DOCK4: variants seen among roughly 807,000 people sequenced by gnomAD.
DOCK4 encodes the protein dedicator of cytokinesis 4, also known as dedicator of cytokinesis protein 4.
DOCK4 carries 97 observed loss-of-function variants against 268.1 expected under a neutral mutation model. The ratio of observed to expected loss-of-function variants is 0.36; its 90% CI spans 0.31 to 0.43. The LOEUF (loss-of-function observed/expected upper bound fraction) is 0.43, where lower values mean the gene tolerates loss of function less well. Ranked by LOEUF, DOCK4 falls within the 20% of genes least tolerant of loss-of-function variation. The probability of loss-of-function intolerance (pLI) is 1.00; values close to 1 mark genes in which losing one functional copy is unlikely to be tolerated. For synonymous variants in DOCK4, 954 were observed against 887.2 expected (o/e 1.08, Z -1.34); for missense variants, 2,145 against 2,455.7 (o/e 0.87, Z 2.67).
intron 1 of DOCK4, among the ~76,000 whole-genome samples, chr7:112,065,489 T>G (rs963021835): frequency 1.3e-5 from 2 of 151,200 alleles, no homozygotes; most frequent in Non-Finnish European, 2.9e-5. Context: ...CTGGTAGAAC[T>G]TCAACTGCAT....
At chr7:111,768,403 G>C (rs1325880471) in intron 37 of DOCK4, among the ~76,000 whole-genome samples, 1 of 152,228 alleles carries the variant, frequency 6.6e-6, no homozygotes, top group Non-Finnish European at 1.5e-5. Context: ...TGTGGAAGAA[G>C]CAACTTCCTT....
Position 112,091,412 on chromosome 7 carries a change from G to A in DOCK4, c.38-87281C>T, listed in dbSNP as rs192557609. Among the ~76,000 whole-genome samples, 358 of 152,182 alleles carry A rather than the reference G, an allele frequency of 2.4e-3. 1 individual carries two copies. The highest frequency in any genetic ancestry group is 5.1e-3 in the African/African-American group (210 of 41,518). On this transcript the variant is annotated intron_variant, in intron 1 of 52. Transcript: ENST00000428084. ...GTCTTCACTCTGGGAGACTGCCAGC[G>A]TTGCCCTACCTGCACACCTAAGGTC...
intron 12 of DOCK4, among the ~76,000 whole-genome samples, chr7:111,917,268 G>C (rs1220124463): frequency 6.6e-6 from 1 of 151,762 alleles, no homozygotes; most frequent in Non-Finnish European, 1.5e-5. Context: ...TTATAGGTGT[G>C]AGCCACCGCG....
chr7:112,146,512 C>T (rs1261862233), intron 1 of DOCK4, among the ~76,000 whole-genome samples: 2 of 152,086 alleles, frequency 1.3e-5, no homozygotes, highest in African/African-American at 4.8e-5. Context: ...CAGGCAGATC[C>T]TTTGAGGTCA....
rs768007465 is a variant in DOCK4, at chr7:111,869,569, A to G, written c.2109+5T>C. 23 of 1,612,966 alleles carry G rather than the reference A, an allele frequency of 1.4e-5. No homozygotes were observed. Among genetic ancestry groups the G allele is most frequent in the Non-Finnish European group, 1.7e-5 (20 of 1,179,206 alleles). The stretch of plus-strand genomic sequence containing the variant: ...ACTCTGCTGTTATCAACAGCATGTT[A>G]TCACCTTCAGCACCTCCTGGATATG... On this transcript the variant is annotated splice_donor_5th_base_variant and intron_variant, in intron 21 of 52. Coordinates refer to ENST00000428084, the MANE Select transcript of DOCK4 (RefSeq NM_001363540.2).
At chr7:112,201,308 T>C (rs867089245) in intron 1 of DOCK4, among the ~76,000 whole-genome samples, 5 of 151,980 alleles carry the variant, frequency 3.3e-5, no homozygotes, top group African/African-American at 9.7e-5. Context: ...TCAAGAAAAA[T>C]AGAATACAGG....
At chr7:112,206,025 G>A in intron 1 of DOCK4, 77 bp downstream of exon 1, 1 of 1,487,196 alleles carries the variant, frequency 6.7e-7, no homozygotes, top group Middle Eastern at 1.7e-4. Context: ...GGAGCGAGAG[G>A]GGCGCGGGGG....
chr7:112,192,241 A>G (rs2116804152), intron 1 of DOCK4, among the ~76,000 whole-genome samples: 1 of 151,596 alleles, frequency 6.6e-6, no homozygotes, highest in African/African-American at 2.4e-5. Flanking sequence ...AAGATACTTA[A>G]CATCGGTCAG....
chr7:111,971,773 C>T (rs571120969), intron 8 of DOCK4: 6 of 299,654 alleles, frequency 2.0e-5, no homozygotes, highest in South Asian at 7.5e-5. Flanking sequence ...ACGGGTCAAT[C>T]GCAGGAGGCA....
chr7:111,895,331 T>C (rs981497949), intron 16 of DOCK4, among the ~76,000 whole-genome samples: 4 of 152,194 alleles, frequency 2.6e-5, no homozygotes, highest in African/African-American at 9.7e-5. Flanking sequence ...TAAGGTTTAC[T>C]TAACCCTATC....
At chr7:111,807,895 C>A (rs1451969924) in intron 30 of DOCK4, 3 of 148,562 alleles carry the variant, frequency 2.0e-5, no homozygotes, top group African/African-American at 7.8e-5. Flanking sequence ...AATATACATA[C>A]CCTATTAAAA....
chr7:112,019,059 C>T (rs1802099543), intron 1 of DOCK4, among the ~76,000 whole-genome samples: 1 of 152,072 alleles, frequency 6.6e-6, no homozygotes. Context: ...ACATTGCGAT[C>T]CAGCTAATGC....
chr7:111,928,241 CT>C (rs1411501504), intron 12 of DOCK4, among the ~76,000 whole-genome samples: 1 of 152,142 alleles, frequency 6.6e-6, no homozygotes, highest in Non-Finnish European at 1.5e-5. Flanking sequence ...ACAATAGTAT[CT>C]ATGATTGTAG....
chr7:112,184,513 A>C (rs1429910018), intron 1 of DOCK4, among the ~76,000 whole-genome samples: 1 of 152,084 alleles, frequency 6.6e-6, no homozygotes, highest in African/African-American at 2.4e-5. Context: ...GCAACTTGTC[A>C]TTCATTTTTC....
At chr7:111,736,858 A>G in intron 50 of DOCK4, 59 bp downstream of exon 50, 3 of 1,450,080 alleles carry the variant, frequency 2.1e-6, no homozygotes, top group Non-Finnish European at 2.9e-6. Flanking sequence ...AAGACTGGAG[A>G]ACATGAGGAT....
At chr7:111,897,582 A>G (rs1313774320) in intron 15 of DOCK4, among the ~76,000 whole-genome samples, 5 of 152,120 alleles carry the variant, frequency 3.3e-5, no homozygotes, top group Non-Finnish European at 1.5e-5. Context: ...CCAGTTCTAC[A>G]CTCAGTGATG....
intron 4 of DOCK4, 38 bp downstream of exon 4, chr7:111,998,410 T>C: frequency 6.8e-7 from 1 of 1,480,550 alleles, no homozygotes; most frequent in Non-Finnish European, 9.1e-7. Context: ...AAAGGCTCTG[T>C]GAAAATCCTC....
chr7:112,179,115 T>G (rs916141670), intron 1 of DOCK4, among the ~76,000 whole-genome samples: 2 of 152,320 alleles, frequency 1.3e-5, no homozygotes, highest in Admixed American at 1.3e-4. Flanking sequence ...GCTGAACGCA[T>G]TTGGCTCACA....
intron 20 of DOCK4, among the ~76,000 whole-genome samples, chr7:111,870,761 G>C (rs1806356354): frequency 6.6e-6 from 1 of 152,162 alleles, no homozygotes; most frequent in South Asian, 2.1e-4. Flanking sequence ...ATCACCCCCA[G>C]CCTAAGAGGA....
Sources: gnomAD v4.1 joint callset for allele counts (sites outside exome capture counted in the v4.1 genomes callset) on GRCh38, gnomAD v4.1.1 for gene constraint, MANE v1.5 for transcripts, NCBI Gene and HGNC (gene_info 2026-07-23, HGNC 2026-07-21) for gene names.